The following FARP2 variants were observed in gnomAD, a reference collection of about 807,000 sequenced individuals.
FARP2 encodes the protein FERM, ARH/RhoGEF and pleckstrin domain protein 2, also known as FERM, ARHGEF and pleckstrin domain-containing protein 2.
Under a neutral mutation model 130.5 loss-of-function variants are expected in FARP2, and 111 were observed. The observed-to-expected ratio is 0.85, with a 90% CI of 0.73 to 1.00. FARP2 has a LOEUF of 1.00. Ranked by LOEUF, FARP2 falls within the 50% of genes least tolerant of loss-of-function variation. FARP2 has a pLI of 0.00. For missense variants in FARP2, 1,385 were observed against 1,346.3 expected (o/e 1.03, Z -0.45); for synonymous variants, 504 against 516.9 (o/e 0.98, Z 0.34).
intron 19 of FARP2, among the ~76,000 whole-genome samples, 178 bp downstream of exon 19, chr2:241,476,165 G>A (rs976539662): frequency 6.7e-6 from 1 of 149,978 alleles, no homozygotes; most frequent in African/African-American, 2.5e-5. Flanking sequence ...TTGAGCCCAG[G>A]AGTTCAAGAC....
chr2:241,460,859 G>C (rs987556877), intron 14 of FARP2, among the ~76,000 whole-genome samples: 1 of 152,182 alleles, frequency 6.6e-6, no homozygotes, highest in Non-Finnish European at 1.5e-5. Context: ...AGCAGTGGAC[G>C]TGTGCAGGAC....
At chr2:241,472,665 G>C (rs1426459097) in intron 18 of FARP2, among the ~76,000 whole-genome samples, 1 of 150,908 alleles carries the variant, frequency 6.6e-6, no homozygotes, top group Admixed American at 6.6e-5. Flanking sequence ...AGGTGATGCT[G>C]TTTTGAGGGG....
chr2:241,436,505 C>T lies in FARP2; in HGVS notation c.1125C>T (p.Ser375=), dbSNP rs371464180. Residue 375 remains serine, a synonymous_variant, in exon 12 of 27, where the codon TCC becomes TCT. Transcript: ENST00000264042. ...YERRHSKTHT[S]VRALTADLPK... ...GAAGGCACAGCAAGACCCACACGTC[C>T]GTTCGAGCTCTGACTGCAGACCTAC... is the stretch of plus-strand genomic sequence containing the variant. 235 of 1,614,080 alleles carry T rather than the reference C, an allele frequency of 1.5e-4. No individual in the cohort carries two copies. The highest frequency in any genetic ancestry group is 1.8e-4 in the Non-Finnish European group (207 of 1,180,032).
At chr2:241,390,816 A>T (rs1474870944) in intron 2 of FARP2, among the ~76,000 whole-genome samples, 1 of 152,086 alleles carries the variant, frequency 6.6e-6, no homozygotes, top group South Asian at 2.1e-4. Flanking sequence ...TCTGCTTTTC[A>T]GGTAGGTCTC....
Position 241,417,919 on chromosome 2 carries a change from A to G in FARP2, c.624-43A>G, listed in dbSNP as rs756223874. 2.5e-6 allele frequency: 4 copies of G among 1,606,102 alleles called. No individual in the cohort carries two copies. The South Asian group carries it at 4.4e-5, about 18-fold the overall frequency. ...ATAATGCATTTTGGCTCTTTCAGAAATCAAGTGTTTGTAGTGTATGATTCT... is the reference window on the plus strand; with the variant it reads ...ATAATGCATTTTGGCTCTTTCAGAAGTCAAGTGTTTGTAGTGTATGATTCT... On this transcript the variant is annotated intron_variant, in intron 7 of 26. Transcript: ENST00000264042.
chr2:241,493,498 C>T (rs2065006834), intron 26 of FARP2, 54 bp downstream of exon 26: 3 of 1,561,136 alleles, frequency 1.9e-6, no homozygotes, highest in South Asian at 2.2e-5. Flanking sequence ...GTCCGCTCAG[C>T]TCCCATTTCT....
At chr2:241,424,918 C>G (rs1248872256) in intron 8 of FARP2, among the ~76,000 whole-genome samples, 1 of 152,068 alleles carries the variant, frequency 6.6e-6, no homozygotes, top group Non-Finnish European at 1.5e-5. Flanking sequence ...TATAAAAACC[C>G]TAGATGAGGG....
intron 2 of FARP2, among the ~76,000 whole-genome samples, chr2:241,381,379 G>C (rs1559716279): frequency 6.6e-6 from 1 of 152,104 alleles, no homozygotes; most frequent in Non-Finnish European, 1.5e-5. Context: ...CGCTGACTTT[G>C]AGAAGAGTTC....
chr2:241,435,015 G>A lies in FARP2; in HGVS notation c.1085G>A (p.Arg362Lys). Residue 362 changes from arginine to lysine, a missense_variant, in exon 11 of 27, where the codon AGA becomes AAA. By Grantham distance (26) the Arg-to-Lys change is conservative. Transcript: ENST00000264042. ...TATTTCAAAGACAGTGGAATGAAGAGAATTCCATATGAAAGGTAAGCTCTG... is the reference window on the plus strand; with the variant it reads ...TATTTCAAAGACAGTGGAATGAAGAAAATTCCATATGAAAGGTAAGCTCTG... ...VDYFKDSGMK[R>K]IPYERRHSKT... The A allele has an allele frequency of 1.3e-6, 2 of 1,589,766 alleles. No individual in the cohort carries two copies. Among genetic ancestry groups the A allele is most frequent in the Non-Finnish European group, 1.7e-6 (2 of 1,161,564 alleles).
chr2:241,450,659 G>A (rs917578652), intron 13 of FARP2, among the ~76,000 whole-genome samples: 36 of 147,730 alleles, frequency 2.4e-4, no homozygotes, highest in Non-Finnish European at 3.9e-4. Context: ...GAGACAGAGC[G>A]AGACTCAGTC....
intron 13 of FARP2, chr2:241,443,763 G>A (rs1377496803): frequency 6.6e-6 from 1 of 152,268 alleles, no homozygotes; most frequent in Non-Finnish European, 1.5e-5. Flanking sequence ...AGATAGGGTT[G>A]GGGTTTTTGT....
chr2:241,456,080 T>C (rs1219099744), intron 13 of FARP2, among the ~76,000 whole-genome samples: 2 of 152,114 alleles, frequency 1.3e-5, no homozygotes, highest in African/African-American at 4.8e-5. Context: ...CAATGAAATA[T>C]ATTTCATCAT....
intron 13 of FARP2, among the ~76,000 whole-genome samples, chr2:241,448,048 C>T (rs889234534): frequency 1.3e-5 from 2 of 152,152 alleles, no homozygotes; most frequent in African/African-American, 4.8e-5. Flanking sequence ...CCTGCCACAC[C>T]AGAGCAGAGG....
intron 5 of FARP2, 37 bp downstream of exon 5, chr2:241,407,652 G>A: frequency 6.6e-7 from 1 of 1,507,542 alleles, no homozygotes; most frequent in South Asian, 1.1e-5. Context: ...TTGTCAGCAG[G>A]AATCTTGTAT....
At chr2:241,404,731 T>G (rs1209056770) in intron 3 of FARP2, 68 bp from the exon 4 acceptor site, 11 of 1,259,760 alleles carry the variant, frequency 8.7e-6, no homozygotes, top group Non-Finnish European at 1.3e-5. Context: ...ATTTTTGTTT[T>G]TATAGCATAC....
chr2:241,491,383 C>T, intron 23 of FARP2, 133 bp from the exon 24 acceptor site: 1 of 1,033,742 alleles, frequency 9.7e-7, no homozygotes, highest in Non-Finnish European at 1.4e-6. Context: ...GTTTTGCTCT[C>T]AGCCAGCAGC....
Position 241,493,281 on chromosome 2 carries a change from G to A in FARP2, c.2896-12G>A. On this transcript the variant is annotated splice_polypyrimidine_tract_variant and intron_variant, in intron 25 of 26. Transcript: ENST00000264042. ...CAGCCCCTGGAACCCGTGTCCCTAT[G>A]CTGTCTTGCAGGATGACTACCCACT... The A allele has an allele frequency of 6.2e-7, 1 of 1,613,252 alleles. No individual in the cohort carries two copies.
At chr2:241,450,931 A>G (rs2063640897) in intron 13 of FARP2, among the ~76,000 whole-genome samples, 1 of 152,202 alleles carries the variant, frequency 6.6e-6, no homozygotes, top group African/African-American at 2.4e-5. Flanking sequence ...CAGCCTGGGC[A>G]ACAGAGCAAG....
At chr2:241,457,754 G>A (rs558267370) in intron 14 of FARP2, among the ~76,000 whole-genome samples, 96 of 148,850 alleles carry the variant, frequency 6.4e-4, no homozygotes, top group Middle Eastern at 3.7e-3. Flanking sequence ...GAGACCCAGT[G>A]TAGAAACATC....
Sources: gnomAD v4.1 joint callset for allele counts (sites outside exome capture counted in the v4.1 genomes callset) on GRCh38, gnomAD v4.1.1 for gene constraint, MANE v1.5 for transcripts, NCBI Gene and HGNC (gene_info 2026-07-23, HGNC 2026-07-21) for gene names.